Variants in TXNDC16 observed in about 807,000 individuals in gnomAD.
TXNDC16 encodes the protein thioredoxin domain-containing protein 16.
TXNDC16 carries 74 observed loss-of-function variants against 85.6 expected under a neutral mutation model. The ratio of observed to expected loss-of-function variants is 0.86; its 90% CI spans 0.72 to 1.05. The LOEUF (loss-of-function observed/expected upper bound fraction) is 1.05, where lower values mean the gene tolerates loss of function less well. Among genes scored for constraint, TXNDC16 ranks in the 50% least tolerant of loss-of-function variants. The probability of loss-of-function intolerance (pLI) is 0.00; values close to 1 mark genes in which losing one functional copy is unlikely to be tolerated. For synonymous variants in TXNDC16, 335 were observed against 326.5 expected (o/e 1.03, Z -0.28); for missense variants, 959 against 947.0 (o/e 1.01, Z -0.17).
At chr14:52,458,167 T>C (rs1337545258) in intron 16 of TXNDC16, among the ~76,000 whole-genome samples, 1 of 152,206 alleles carries the variant, frequency 6.6e-6, no homozygotes, top group Non-Finnish European at 1.5e-5. Flanking sequence ...AAAGGGTACA[T>C]ACTTTCCCTA....
chr14:52,431,065 T>C lies in TXNDC16; in HGVS notation c.*1239A>G, dbSNP rs1358728992. On this transcript the variant is annotated 3_prime_UTR_variant, in exon 21 of 21. Transcript: ENST00000281741. ...CCAAATAGAATATTCTCAACAAATG[T>C]CTCAAAAAATGCACAGAGCAAAAAT... The C allele has an allele frequency of 6.6e-6, 1 of 152,162 alleles. No individual in the cohort carries two copies. The highest frequency in any genetic ancestry group is 1.5e-5 in the Non-Finnish European group (1 of 68,022). 9.4% of individuals were successfully genotyped at this position (152,162 alleles called of 1,614,324 possible). A position where few individuals can be genotyped will look rare whatever the true frequency, so the allele number is the denominator to read the frequency against.
At chr14:52,515,532 G>A (rs529854381) in intron 7 of TXNDC16, among the ~76,000 whole-genome samples, 250 of 152,024 alleles carry the variant, frequency 1.6e-3, no homozygotes, top group Middle Eastern at 6.8e-3. Context: ...TACACTGAAA[G>A]AAAACAATAA....
intron 2 of TXNDC16, 115 bp downstream of exon 2, chr14:52,544,149 A>C (rs921889386): frequency 2.0e-5 from 3 of 152,148 alleles, no homozygotes; most frequent in Admixed American, 6.5e-5. Context: ...AGATTTCTCT[A>C]TACTGCTTAA....
chr14:52,433,414 A>T (rs1339530304), intron 20 of TXNDC16, among the ~76,000 whole-genome samples: 1 of 152,228 alleles, frequency 6.6e-6, no homozygotes, highest in Non-Finnish European at 1.5e-5. Context: ...TTAAAAAATA[A>T]ACTATATAAG....
At chr14:52,434,850 A>C (rs1215245593) in intron 20 of TXNDC16, among the ~76,000 whole-genome samples, 1 of 152,246 alleles carries the variant, frequency 6.6e-6, no homozygotes. Flanking sequence ...TAATTTAAGA[A>C]TAGGAGCAGT....
intron 6 of TXNDC16, among the ~76,000 whole-genome samples, chr14:52,536,501 C>T (rs1858850770): frequency 6.6e-6 from 1 of 152,170 alleles, no homozygotes; most frequent in Admixed American, 6.5e-5. Context: ...GAGTCATCTC[C>T]TACTCTTATA....
intron 18 of TXNDC16, among the ~76,000 whole-genome samples, chr14:52,448,475 C>T (rs1029429071): frequency 6.6e-6 from 1 of 151,892 alleles, no homozygotes; most frequent in African/African-American, 2.4e-5. Flanking sequence ...ATAAAAACTT[C>T]CCCAGACAAA....
chr14:52,545,681 G>A (rs1255128257), intron 1 of TXNDC16, among the ~76,000 whole-genome samples: 3 of 152,068 alleles, frequency 2.0e-5, no homozygotes, highest in Non-Finnish European at 2.9e-5. Flanking sequence ...AAAATAGGAC[G>A]GTCAATGCCA....
In TXNDC16 at chr14:52,526,292, C is replaced by G. The variant is rs116563015; in HGVS notation, c.393-6999G>C. On this transcript the variant is annotated intron_variant, in intron 6 of 20. Transcript: ENST00000281741. Reference sequence around the variant, plus strand: ...AAAGTGGTAATACTTTTACAGGGTTCAAAACACAAAAGGTACCAAAAAAGT... The same window carrying G: ...AAAGTGGTAATACTTTTACAGGGTTGAAAACACAAAAGGTACCAAAAAAGT... 3.7e-3 allele frequency among the ~76,000 whole-genome samples: 560 copies of G among 152,212 alleles called. 1 individual carries two copies. Among genetic ancestry groups the G allele is most frequent in the African/African-American group, 0.013 (536 of 41,516 alleles).
At chr14:52,529,177 G>A (rs1421326279) in intron 6 of TXNDC16, among the ~76,000 whole-genome samples, 1 of 150,972 alleles carries the variant, frequency 6.6e-6, no homozygotes, top group African/African-American at 2.4e-5. Context: ...GTCCTCTGTA[G>A]GGACATGGAT....
chr14:52,530,376 T>G (rs1470573159), intron 6 of TXNDC16, among the ~76,000 whole-genome samples: 2 of 27,652 alleles, frequency 7.2e-5, no homozygotes, highest in African/African-American at 1.9e-4. Flanking sequence ...TATTATATAA[T>G]ATTATATATA....
chr14:52,446,146 C>T (rs781385), intron 18 of TXNDC16, among the ~76,000 whole-genome samples: 14,127 of 152,160 alleles, frequency 0.093, 767 homozygotes, highest in East Asian at 0.17. Context: ...AACTTTATAT[C>T]GCTCAAAGAG....
intron 4 of TXNDC16, among the ~76,000 whole-genome samples, chr14:52,538,146 A>T (rs1465683251): frequency 6.6e-6 from 1 of 152,242 alleles, no homozygotes; most frequent in Non-Finnish European, 1.5e-5. Context: ...TGCAATGGCT[A>T]AATGGTGTTT....
intron 6 of TXNDC16, among the ~76,000 whole-genome samples, chr14:52,530,315 TA>T (rs1403492887): frequency 0.031 from 1,689 of 53,982 alleles, 57 homozygotes; most frequent in East Asian, 0.074. Context: ...ATATATAATA[TA>T]TAATTATTTT....
At chr14:52,497,186 A>G (rs2036552031) in intron 9 of TXNDC16, among the ~76,000 whole-genome samples, 1 of 152,184 alleles carries the variant, frequency 6.6e-6, no homozygotes, top group South Asian at 2.1e-4. Context: ...AAACAGGATT[A>G]TAAAAGACTA....
At chr14:52,525,995 T>A (rs776559925) in intron 6 of TXNDC16, among the ~76,000 whole-genome samples, 2 of 152,110 alleles carry the variant, frequency 1.3e-5, no homozygotes, top group Non-Finnish European at 2.9e-5. Flanking sequence ...AAATTTTTTT[T>A]ACTGTTGTAT....
intron 14 of TXNDC16, among the ~76,000 whole-genome samples, chr14:52,471,102 C>A (rs1168448309): frequency 1.3e-5 from 2 of 152,326 alleles, no homozygotes; most frequent in African/African-American, 4.8e-5. Flanking sequence ...CCTCCTCAAA[C>A]TCAACAAGTC....
At chr14:52,519,007 C>T (rs1443587192) in intron 7 of TXNDC16, among the ~76,000 whole-genome samples, 165 bp downstream of exon 7, 1 of 152,100 alleles carries the variant, frequency 6.6e-6, no homozygotes, top group Non-Finnish European at 1.5e-5. Flanking sequence ...CTTATTCAAC[C>T]ACTGTATTAC....
chr14:52,441,671 G>A (rs1484470524), intron 18 of TXNDC16, among the ~76,000 whole-genome samples: 5 of 151,044 alleles, frequency 3.3e-5, no homozygotes, highest in South Asian at 4.2e-4. Context: ...CCTGCAATTC[G>A]CCCATGCTAT....
Sources: gnomAD v4.1 joint callset for allele counts (sites outside exome capture counted in the v4.1 genomes callset) on GRCh38, gnomAD v4.1.1 for gene constraint, MANE v1.5 for transcripts, NCBI Gene and HGNC (gene_info 2026-07-23, HGNC 2026-07-21) for gene names.